LBP: variants seen among roughly 807,000 people sequenced by gnomAD.
The protein encoded by LBP is lipopolysaccharide-binding protein.
A neutral mutation model predicts 56.6 loss-of-function variants in LBP; 53 were observed. The ratio of observed to expected loss-of-function variants is 0.94; its 90% confidence interval spans 0.75 to 1.18. The LOEUF (loss-of-function observed/expected upper bound fraction) is 1.18, where lower values mean the gene tolerates loss of function less well. Ranked by LOEUF, LBP falls within the 50% of genes most tolerant of loss-of-function variation. The pLI, the probability that LBP is intolerant of heterozygous loss-of-function variation, is 0.00. For synonymous variants in LBP, 227 were observed against 247.5 expected (o/e 0.92, Z 0.78); for missense variants, 601 against 598.3 (o/e 1.00, Z -0.05).
intron 2 of LBP, among the ~76,000 whole-genome samples, chr20:38,350,442 G>A (rs891955678): frequency 6.6e-6 from 1 of 152,182 alleles, no homozygotes; most frequent in African/African-American, 2.4e-5. Flanking sequence ...AGGAGGGTTA[G>A]CAGGAACTGC....
intron 8 of LBP, among the ~76,000 whole-genome samples, chr20:38,365,761 G>T (rs1350053468): frequency 6.9e-6 from 1 of 144,732 alleles, no homozygotes; most frequent in African/African-American, 2.5e-5. Flanking sequence ...TGTGAATGAG[G>T]CAAGATAATA....
At chr20:38,357,105 T>C (rs964218101) in intron 5 of LBP, among the ~76,000 whole-genome samples, 12 of 152,190 alleles carry the variant, frequency 7.9e-5, no homozygotes, top group Non-Finnish European at 1.5e-4. Flanking sequence ...TCTGCTCACC[T>C]CAGTGTCCCA....
intron 5 of LBP, among the ~76,000 whole-genome samples, chr20:38,358,073 C>T (rs1397450751): frequency 1.3e-5 from 2 of 152,180 alleles, no homozygotes; most frequent in Non-Finnish European, 2.9e-5. Context: ...CCTCCTAGCT[C>T]ATCTGGTGAC....
intron 14 of LBP, among the ~76,000 whole-genome samples, chr20:38,375,461 A>G (rs1015572364): frequency 5.9e-5 from 9 of 151,890 alleles, no homozygotes; most frequent in Non-Finnish European, 1.0e-4. Context: ...CGCACCTGTA[A>G]TCCCAGCTAC....
Position 38,376,649 on chromosome 20 carries a change from G to A in LBP, c.1426G>A (p.Val476Ile), listed in dbSNP as rs1258181014. ...HKDFLFLGAN[V>I]QYMRV is the part of the protein sequence containing the mutation. ...GGACTTCCTGTTCTTGGGTGCCAAT[G>A]TCCAATACATGAGAGTTTGAGGACA... is the stretch of plus-strand genomic sequence containing the variant. The change falls in exon 15 of 15, where the codon GTC (valine) becomes ATC (isoleucine). Residue 476 changes from valine (V) to isoleucine (I), a missense_variant. Val to Ile is a conservative substitution (Grantham distance 29). Transcript: ENST00000217407. 1.2e-6 allele frequency: 2 copies of A among 1,614,102 alleles called. No homozygotes were observed. Among genetic ancestry groups the A allele is most frequent in the Admixed American group, 3.3e-5 (2 of 60,026 alleles).
chr20:38,366,078 A>G (rs1446165762), intron 8 of LBP, among the ~76,000 whole-genome samples: 1 of 152,148 alleles, frequency 6.6e-6, no homozygotes, highest in East Asian at 1.9e-4. Context: ...TCTGGGTTTC[A>G]AAAAGTTGTT....
At chr20:38,373,334 G>A (rs183468514) in intron 13 of LBP, among the ~76,000 whole-genome samples, 199 bp downstream of exon 13, 35 of 152,284 alleles carry the variant, frequency 2.3e-4, no homozygotes, top group African/African-American at 8.4e-4. Flanking sequence ...AATGAGGGTT[G>A]GGGGCTGGGA....
In LBP at chr20:38,369,133, A is replaced by C. The variant is rs766147931; in HGVS notation, c.1120A>C (p.Ser374Arg). Residue 374 changes from serine (S) to arginine (R), a missense_variant, in exon 10 of 15, where the codon AGC becomes CGC. Coordinates refer to ENST00000217407, the MANE Select transcript of LBP (RefSeq NM_004139.5). ...TGCCTTTGTGCTCCTGCCCAGCTCC[A>C]GCAAGGAGCCTGTCTTCCGGCTCAG... ...IDAFVLLPSS[S>R]KEPVFRLSVA... The C allele has an allele frequency of 1.2e-6, 2 of 1,614,102 alleles. No homozygotes were observed. Among genetic ancestry groups the C allele is most frequent in the Admixed American group, 3.3e-5 (2 of 60,014 alleles).
At position 38,376,860 on chromosome 20, in the gene LBP, A is replaced by G. The variant is rs2083962591; in HGVS notation, c.*191A>G. On this transcript the variant is annotated 3_prime_UTR_variant, in exon 15 of 15. Transcript: ENST00000217407. ...GCATGCATGCCCTCTCTGAGTCTGGACTTTGCTTCCCCTCCAGGAGGGACC... is the reference window on the plus strand; with the variant it reads ...GCATGCATGCCCTCTCTGAGTCTGGGCTTTGCTTCCCCTCCAGGAGGGACC... 1.4e-6 allele frequency: 1 copy of G among 707,452 alleles called. No homozygotes were observed. The highest frequency in any genetic ancestry group is 1.7e-5 in the African/African-American group (1 of 57,308). 43.8% of individuals were successfully genotyped at this position (707,452 alleles called of 1,614,324 possible). A position where few individuals can be genotyped will look rare whatever the true frequency, so the allele number is the denominator to read the frequency against.
In LBP at chr20:38,346,508, G is replaced by A; in HGVS notation, c.-9G>A. On this transcript the variant is annotated 5_prime_UTR_variant, in exon 1 of 15. Transcript: ENST00000217407. ...GGACAGTCCTGGCCCACTGCACTGG[G>A]AATCTAGGATGGGGGCCTTGGCCAG... The A allele has an allele frequency of 6.2e-7, 1 of 1,613,306 alleles. No homozygotes were observed. Among genetic ancestry groups the A allele is most frequent in the Non-Finnish European group, 8.5e-7 (1 of 1,179,840 alleles).
Position 38,350,922 on chromosome 20 carries a change from G to A in LBP, c.351G>A (p.Lys117=), listed in dbSNP as rs757210745. The A allele has an allele frequency of 6.2e-7, 1 of 1,613,782 alleles. No homozygotes were observed. The highest frequency in any genetic ancestry group is 1.3e-5 in the African/African-American group (1 of 74,946). Residue 117 remains lysine, a synonymous_variant, in exon 3 of 15, where the codon AAG becomes AAA. Coordinates refer to ENST00000217407, the MANE Select transcript of LBP (RefSeq NM_004139.5). ...CCATCCGGGTCCAGGGCAGGTGGAA[G>A]GTGCGCAAGTCATTCTTGTAAGTTG... The part of the protein sequence containing the change: ...DSSIRVQGRW[K]VRKSFFKLQG...
intron 7 of LBP, 105 bp downstream of exon 7, chr20:38,364,171 G>T: frequency 1.3e-6 from 1 of 768,794 alleles, no homozygotes; most frequent in Non-Finnish European, 2.2e-6. Context: ...CATCCTCCCA[G>T]TGGTTCCCGC....
At chr20:38,361,274 T>A (rs1424621172) in intron 6 of LBP, among the ~76,000 whole-genome samples, 1 of 152,250 alleles carries the variant, frequency 6.6e-6, no homozygotes, top group Non-Finnish European at 1.5e-5. Flanking sequence ...ATATTTTCTT[T>A]GTATGTACAA....
chr20:38,373,950 A>G lies in LBP; in HGVS notation c.1338A>G (p.Glu446=), dbSNP rs767401524. The part of the protein sequence containing the change: ...FYPKFNDKLA[E]GFPLPLLKRV... ...TTCAACCTCTAGATAAGTTGGCCGA[A>G]GGCTTCCCCCTTCCTCTGCTGAAGC... Residue 446 remains glutamate, a synonymous_variant, in exon 14 of 15, where the codon GAA becomes GAG. Transcript: ENST00000217407. 1.2e-6 allele frequency: 2 copies of G among 1,614,206 alleles called. No homozygotes were observed. Among genetic ancestry groups the G allele is most frequent in the East Asian group, 4.5e-5 (2 of 44,890 alleles).
At chr20:38,353,734 G>T (rs1244144822) in intron 3 of LBP, among the ~76,000 whole-genome samples, 1 of 152,078 alleles carries the variant, frequency 6.6e-6, no homozygotes, top group African/African-American at 2.4e-5. Flanking sequence ...ATAGCATTGA[G>T]TACTAAAACT....
At chr20:38,368,907 C>A in intron 9 of LBP, 88 bp from the exon 10 acceptor site, 1 of 1,367,420 alleles carries the variant, frequency 7.3e-7, no homozygotes, top group Non-Finnish European at 1.0e-6. Context: ...TCGAAAGCAA[C>A]TTCCAGCTTT....
intron 8 of LBP, among the ~76,000 whole-genome samples, chr20:38,365,707 A>T (rs7268332): frequency 6.3e-5 from 6 of 95,368 alleles, no homozygotes; most frequent in African/African-American, 3.3e-4. Flanking sequence ...AAAAAAAAAA[A>T]AAAAAAAAAA....
chr20:38,374,149 G>A, intron 14 of LBP, 136 bp downstream of exon 14: 1 of 813,202 alleles, frequency 1.2e-6, no homozygotes, highest in Non-Finnish European at 2.0e-6. Context: ...CAGGACGGGT[G>A]CTCCTGGGCC....
intron 6 of LBP, among the ~76,000 whole-genome samples, chr20:38,361,602 T>G (rs1485634436): frequency 6.6e-6 from 1 of 151,954 alleles, no homozygotes; most frequent in East Asian, 1.9e-4. Context: ...ACAGGGTTTC[T>G]TTATGTTGCC....
Sources: allele counts gnomAD v4.1 joint callset (sites outside exome capture counted in the v4.1 genomes callset), GRCh38; gene constraint gnomAD v4.1.1; transcripts MANE v1.5; gene names NCBI Gene and HGNC (gene_info 2026-07-23, HGNC 2026-07-21).